The following NUP210L variants were observed in gnomAD, a reference collection of about 807,000 sequenced individuals.
The protein encoded by NUP210L is nuclear pore membrane glycoprotein 210-like.
In NUP210L, 74 loss-of-function variants were observed where a neutral mutation model predicts 208.5. The ratio of observed to expected loss-of-function variants is 0.35; its 90% confidence interval spans 0.29 to 0.43. NUP210L has a LOEUF of 0.43. Among genes scored for constraint, NUP210L ranks in the 20% least tolerant of loss-of-function variants. The pLI is 1.00. For missense variants in NUP210L, 1,843 were observed against 2,289.4 expected (o/e 0.81, Z 3.98); for synonymous variants, 780 against 816.9 (o/e 0.95, Z 0.77).
chr1:154,085,299 G>A (rs866003226), intron 16 of NUP210L, among the ~76,000 whole-genome samples: 21 of 150,450 alleles, frequency 1.4e-4, no homozygotes, highest in African/African-American at 3.4e-4. Flanking sequence ...GCAGTGAGCC[G>A]AGATCGTACC....
chr1:154,040,699 G>A (rs1369600184), intron 27 of NUP210L, among the ~76,000 whole-genome samples: 3 of 151,372 alleles, frequency 2.0e-5, no homozygotes, highest in Admixed American at 2.0e-4. Context: ...CCATTCTCCC[G>A]CCTCAGCCTC....
intron 2 of NUP210L, among the ~76,000 whole-genome samples, chr1:154,151,941 T>C (rs1308053058): frequency 6.6e-6 from 1 of 151,024 alleles, no homozygotes; most frequent in Non-Finnish European, 1.5e-5. Flanking sequence ...ATACAAAAAT[T>C]AGCCAGGTGT....
chr1:153,994,397 CTG>C (rs1326788999), intron 38 of NUP210L, among the ~76,000 whole-genome samples: 1 of 152,058 alleles, frequency 6.6e-6, no homozygotes, highest in Non-Finnish European at 1.5e-5. Context: ...TCACTGCAAC[CTG>C]TGTCTCCCAG....
chr1:154,115,792 T>C (rs1214929663), intron 12 of NUP210L, among the ~76,000 whole-genome samples: 1 of 151,928 alleles, frequency 6.6e-6, no homozygotes, highest in Non-Finnish European at 1.5e-5. Context: ...TGGCAAACTA[T>C]TAAGTCCTAT....
At chr1:154,032,198 C>T (rs1652266104) in intron 27 of NUP210L, among the ~76,000 whole-genome samples, 1 of 152,088 alleles carries the variant, frequency 6.6e-6, no homozygotes, top group African/African-American at 2.4e-5. Flanking sequence ...ATAATGATTT[C>T]CTTTCTTTTG....
At chr1:154,041,651 AAAAAG>A (rs963320978) in intron 27 of NUP210L, among the ~76,000 whole-genome samples, 5 of 152,076 alleles carry the variant, frequency 3.3e-5, no homozygotes, top group African/African-American at 7.2e-5. Flanking sequence ...AGAGAAAAAA[AAAAAG>A]AAAAGAAAAG....
Position 154,143,213 on chromosome 1 carries a change from A to AC in NUP210L, c.472+232_472+233insG, listed in dbSNP as rs1191082566. ...CCCTCCCCCTGCCCAAAAAAAAAAAAAAGAAAGGAAAAGTTCTGAGATAAC... is the reference window on the plus strand; with the variant it reads ...CCCTCCCCCTGCCCAAAAAAAAAAAACAAGAAAGGAAAAGTTCTGAGATAAC... On this transcript the variant is annotated intron_variant, in intron 3 of 39. Coordinates refer to ENST00000368559, the Ensembl canonical transcript of NUP210L. Among the ~76,000 whole-genome samples the AC allele has an allele frequency of 2.6e-5, 4 of 151,956 alleles. No homozygotes were observed. The East Asian group carries it at 7.7e-4, about 29-fold the overall frequency.
At chr1:154,138,466 A>G (rs1262776167) in intron 5 of NUP210L, among the ~76,000 whole-genome samples, 1 of 152,208 alleles carries the variant, frequency 6.6e-6, no homozygotes, top group African/African-American at 2.4e-5. Flanking sequence ...TAGAACAAAA[A>G]AGTCTTCTAA....
chr1:154,140,195 A>G (rs899067717), intron 4 of NUP210L, among the ~76,000 whole-genome samples: 14 of 151,888 alleles, frequency 9.2e-5, no homozygotes, highest in Non-Finnish European at 1.8e-4. Context: ...TACTAAAAAT[A>G]CAAAAATTAG....
At chr1:154,139,072 A>C (rs1325677009) in intron 5 of NUP210L, among the ~76,000 whole-genome samples, 1 of 152,158 alleles carries the variant, frequency 6.6e-6, no homozygotes, top group African/African-American at 2.4e-5. Flanking sequence ...GTTTGAAACC[A>C]GCCTGGCCAT....
chr1:154,077,353 G>A (rs569462483), intron 16 of NUP210L, among the ~76,000 whole-genome samples: 5 of 151,590 alleles, frequency 3.3e-5, no homozygotes, highest in South Asian at 2.1e-4. Context: ...GTGACACAGC[G>A]ATACTCTGTC....
intron 8 of NUP210L, 21 bp downstream of exon 8, chr1:154,129,256 G>T: frequency 1.3e-6 from 2 of 1,502,508 alleles, no homozygotes; most frequent in South Asian, 1.2e-5. Context: ...CCACCTTTCT[G>T]AAAAGTATGA....
exon 34 of NUP210L, chr1:154,012,275 G>A: frequency 6.2e-7 from 1 of 1,613,782 alleles, no homozygotes; most frequent in South Asian, 1.1e-5. Flanking sequence ...TGCCAGTGGT[G>A]ATGAAGAGCT....
chr1:154,005,518 G>A lies in NUP210L; in HGVS notation c.4931-3533C>T, dbSNP rs574203994. On this transcript the variant is annotated intron_variant, in intron 35 of 39. Transcript: ENST00000368559. Reference sequence around the variant, plus strand: ...GCTTGGATTACAGGTGTGAGCCACCGCGCCCAGTGTTTGTTTGTTTGTTTG... The same window carrying A: ...GCTTGGATTACAGGTGTGAGCCACCACGCCCAGTGTTTGTTTGTTTGTTTG... Among the ~76,000 whole-genome samples the A allele has an allele frequency of 7.9e-5, 12 of 151,992 alleles. No individual in the cohort carries two copies. In the South Asian group the frequency reaches 1.0e-3, roughly 13 times the overall value.
chr1:154,021,548 T>A (rs1348321123), intron 32 of NUP210L, among the ~76,000 whole-genome samples: 1 of 151,466 alleles, frequency 6.6e-6, no homozygotes, highest in African/African-American at 2.4e-5. Context: ...AAAAACCTTA[T>A]TACAATGATG....
intron 2 of NUP210L, 140 bp downstream of exon 2, chr1:154,152,596 G>T: frequency 1.4e-6 from 1 of 718,784 alleles, no homozygotes; most frequent in Non-Finnish European, 2.2e-6. Context: ...AAAGGCGTGA[G>T]CCACTGCAGC....
At chr1:154,042,253 C>G (rs1652925966) in intron 27 of NUP210L, among the ~76,000 whole-genome samples, 1 of 152,086 alleles carries the variant, frequency 6.6e-6, no homozygotes, top group Non-Finnish European at 1.5e-5. Flanking sequence ...GTGCATGCCA[C>G]TATGCCTGGC....
At chr1:154,146,817 CCTTT>C (rs763419967) in intron 2 of NUP210L, among the ~76,000 whole-genome samples, 9 of 152,038 alleles carry the variant, frequency 5.9e-5, no homozygotes, top group African/African-American at 1.7e-4. Flanking sequence ...ACTTCTCCTT[CCTTT>C]ATTTTTGTTT....
intron 1 of NUP210L, among the ~76,000 whole-genome samples, chr1:154,154,253 G>A (rs368710073): frequency 1.1e-4 from 17 of 152,200 alleles, no homozygotes; most frequent in African/African-American, 3.6e-4. Flanking sequence ...CACTTTCCTC[G>A]TCTGTGAAAT....
Sources: allele counts gnomAD v4.1 joint callset (sites outside exome capture counted in the v4.1 genomes callset), GRCh38; gene constraint gnomAD v4.1.1; transcripts MANE v1.5; gene names NCBI Gene and HGNC (gene_info 2026-07-23, HGNC 2026-07-21).